JPH3: variants seen among roughly 807,000 people sequenced by gnomAD.
JPH3 encodes junctophilin-3.
Under a neutral mutation model 59.6 loss-of-function variants are expected in JPH3, and 11 were observed. That is an observed-to-expected ratio of 0.18 (90% CI 0.12 to 0.31). The LOEUF (loss-of-function observed/expected upper bound fraction) is 0.31. Among genes scored for constraint, JPH3 ranks in the 10% least tolerant of loss-of-function variants. JPH3 has a pLI of 1.00. For missense variants in JPH3, 1,202 were observed against 1,105.7 expected (o/e 1.09, Z -1.24); for synonymous variants, 673 against 483.6 (o/e 1.39, Z -5.14).
Position 87,644,444 on chromosome 16 carries a change from CCGTGTCCCGCGGGGGCTTCGTGCT to C in JPH3, c.574_597del (p.Ser192_Val199del). 1.2e-6 allele frequency: 2 copies of C among 1,612,404 alleles called. No individual in the cohort carries two copies. The highest frequency in any genetic ancestry group is 1.7e-6 in the Non-Finnish European group (2 of 1,179,578). On this transcript the variant is annotated inframe_deletion, in exon 2 of 5. Transcript: ENST00000284262. The stretch of plus-strand genomic sequence containing the variant: ...TCTCCGGCGGTGGCCGGCAGCCCGG[CCGTGTCCCGCGGGGGCTTCGTGCT>C]CGTGGCCCACAGTGACTCCGAGATC...
chr16:87,685,171 C>G (rs112305334), intron 3 of JPH3, among the ~76,000 whole-genome samples: 1 of 152,162 alleles, frequency 6.6e-6, no homozygotes, highest in African/African-American at 2.4e-5. Context: ...GACTGGAACG[C>G]GAGACCACAT....
chr16:87,636,286 CCCTCAGCCGCGGTTGG>C (rs2031744256), intron 1 of JPH3, among the ~76,000 whole-genome samples: 1 of 152,242 alleles, frequency 6.6e-6, no homozygotes, highest in Non-Finnish European at 1.5e-5. Context: ...AGCTCAGTTG[CCCTCAGCCGCGGTTGG>C]CCGCCAAGCA....
At chr16:87,689,467 C>T (rs1046023239) in intron 3 of JPH3, among the ~76,000 whole-genome samples, 179 bp from the exon 4 acceptor site, 1 of 152,000 alleles carries the variant, frequency 6.6e-6, no homozygotes, top group African/African-American at 2.4e-5. Flanking sequence ...CACGGGGGTC[C>T]CACAGAGGGC....
chr16:87,676,923 G>C (rs886683394), intron 2 of JPH3, among the ~76,000 whole-genome samples: 1 of 151,752 alleles, frequency 6.6e-6, no homozygotes, highest in Non-Finnish European at 1.5e-5. Flanking sequence ...TGTAATCCCA[G>C]CACTTGGGGA....
At chr16:87,663,018 C>T (rs1417718534) in intron 2 of JPH3, among the ~76,000 whole-genome samples, 1 of 152,170 alleles carries the variant, frequency 6.6e-6, no homozygotes, top group Non-Finnish European at 1.5e-5. Context: ...TCTCTTTGGA[C>T]CATAAAAACG....
At chr16:87,612,157 C>G (rs867982280) in intron 1 of JPH3, among the ~76,000 whole-genome samples, 1 of 152,150 alleles carries the variant, frequency 6.6e-6, no homozygotes, top group Non-Finnish European at 1.5e-5. Flanking sequence ...GGGCTGGCTC[C>G]GTCTGTCGTC....
At chr16:87,653,559 G>C (rs2032396125) in intron 2 of JPH3, 1 of 152,170 alleles carries the variant, frequency 6.6e-6, no homozygotes, top group African/African-American at 2.4e-5. Flanking sequence ...GATATTTTTA[G>C]TTTTTAAAAT....
At chr16:87,635,214 C>T (rs1029976771) in intron 1 of JPH3, among the ~76,000 whole-genome samples, 10 of 152,184 alleles carry the variant, frequency 6.6e-5, no homozygotes, top group Non-Finnish European at 8.8e-5. Context: ...CACCCTGGGA[C>T]CTCTCAGGTG....
At chr16:87,659,770 T>A (rs2032641961) in intron 2 of JPH3, among the ~76,000 whole-genome samples, 1 of 152,080 alleles carries the variant, frequency 6.6e-6, no homozygotes, top group African/African-American at 2.4e-5. Flanking sequence ...TTTTTAAGTG[T>A]ACCGTAAGTG....
chr16:87,602,085 C>G (rs1279368970), upstream of JPH3: 2 of 145,516 alleles, frequency 1.4e-5, no homozygotes, highest in Non-Finnish European at 3.0e-5. Flanking sequence ...AGGGGCGAGG[C>G]GCGGGGGCGG....
chr16:87,613,289 C>T (rs145075333), intron 1 of JPH3, among the ~76,000 whole-genome samples: 38 of 151,412 alleles, frequency 2.5e-4, no homozygotes, highest in African/African-American at 6.1e-4. Flanking sequence ...TTAGTAGAGA[C>T]GGGGTTTCAC....
intron 2 of JPH3, among the ~76,000 whole-genome samples, chr16:87,683,631 G>C (rs1597288799): frequency 1.4e-5 from 2 of 145,696 alleles, no homozygotes; most frequent in East Asian, 2.1e-4. Context: ...CCTTGAGACA[G>C]AGTCTTGCTC....
In JPH3 at chr16:87,603,007, C is replaced by G. The variant is rs911906080; in HGVS notation, c.-140C>G. 1.4e-5 allele frequency: 15 copies of G among 1,079,036 alleles called. No homozygotes were observed. The highest frequency in any genetic ancestry group is 6.2e-5 in the Admixed American group (2 of 32,128). The allele number at this position is 1,079,036 out of a possible 1,614,324, so 66.8% of individuals were successfully genotyped here. On this transcript the variant is annotated 5_prime_UTR_variant, in exon 1 of 5. Coordinates refer to ENST00000284262, the MANE Select transcript of JPH3 (RefSeq NM_020655.4). ...AGCCGGCGCCGCGGCCGCCCGCGCC[C>G]GAGACCGCGCTCCGGGGCCGCGTCC...
intron 4 of JPH3, among the ~76,000 whole-genome samples, chr16:87,692,868 G>A (rs1390265901): frequency 1.3e-5 from 2 of 152,316 alleles, no homozygotes; most frequent in South Asian, 2.1e-4. Flanking sequence ...CCCAGAGCAC[G>A]GGCTGGACTG....
rs552145788 is a variant in JPH3 at position 87,686,211 on chromosome 16, A to C, written c.1285+1945A>C. ...GGTGCTTTACTGCTCCAGTCCCAAGAAATGGGTGCAGGCTCCCCCACCCTG... is the reference window on the plus strand; with the variant it reads ...GGTGCTTTACTGCTCCAGTCCCAAGCAATGGGTGCAGGCTCCCCCACCCTG... On this transcript the variant is annotated intron_variant, in intron 3 of 4. Coordinates refer to ENST00000284262, the MANE Select transcript of JPH3 (RefSeq NM_020655.4). Among the ~76,000 whole-genome samples, 21 of 152,286 alleles carry C rather than the reference A, an allele frequency of 1.4e-4. No homozygotes were observed. In the South Asian group the frequency reaches 3.3e-3, roughly 24 times the overall value.
chr16:87,677,226 A>ACACACACACAC (rs1491554199), intron 2 of JPH3, among the ~76,000 whole-genome samples: 31 of 88,070 alleles, frequency 3.5e-4, no homozygotes, highest in African/African-American at 6.5e-4. Flanking sequence ...ACACACACAC[A>ACACACACACAC]AAAAAAAAAA....
At chr16:87,609,541 G>T (rs1316011747) in intron 1 of JPH3, among the ~76,000 whole-genome samples, 3 of 152,208 alleles carry the variant, frequency 2.0e-5, no homozygotes, top group Non-Finnish European at 4.4e-5. Context: ...TGGGATTACA[G>T]GTGTGAGCCA....
chr16:87,623,837 C>T (rs975115729), intron 1 of JPH3, among the ~76,000 whole-genome samples: 1 of 152,242 alleles, frequency 6.6e-6, no homozygotes. Flanking sequence ...CCCTGGGGAC[C>T]ACATGCCCAG....
chr16:87,637,956 G>A (rs1192262167), intron 1 of JPH3, among the ~76,000 whole-genome samples: 1 of 152,050 alleles, frequency 6.6e-6, no homozygotes. Context: ...CACTCTTGTT[G>A]CCCAGACTGG....
Sources: gnomAD v4.1 joint callset for allele counts (sites outside exome capture counted in the v4.1 genomes callset) on GRCh38, gnomAD v4.1.1 for gene constraint, MANE v1.5 for transcripts, NCBI Gene and HGNC (gene_info 2026-07-23, HGNC 2026-07-21) for gene names.